Variants in KAZALD1 observed in about 807,000 individuals in gnomAD.
The protein encoded by KAZALD1 is kazal-type serine protease inhibitor domain-containing protein 1.
In KAZALD1, 31 loss-of-function variants were observed where a neutral mutation model predicts 27.7. The observed-to-expected ratio is 1.12, with a 90% CI of 0.84 to 1.51. The LOEUF (loss-of-function observed/expected upper bound fraction) is 1.51. Ranked by LOEUF, KAZALD1 falls within the 40% of genes most tolerant of loss-of-function variation. The pLI, the probability that KAZALD1 is intolerant of heterozygous loss-of-function variation, is 0.00. For missense variants in KAZALD1, 444 were observed against 408.9 expected, an observed-to-expected ratio of 1.09 and a Z score of -0.74; for synonymous variants, 179 against 182.0, an observed-to-expected ratio of 0.98 and a Z score of 0.13.
At position 101,065,317 on chromosome 10, in the gene KAZALD1, G is replaced by C; in HGVS notation, c.*397G>C. ...CCCTTCCTCCCAGGCCCTGGTTCTT[G>C]CTATTTCCTGGTCCCCAACGTTTAT... On this transcript the variant is annotated 3_prime_UTR_variant, in exon 5 of 5. Transcript: ENST00000370200. 1 of 185,204 alleles carries C rather than the reference G, an allele frequency of 5.4e-6. No homozygotes were observed. Among genetic ancestry groups the C allele is most frequent in the East Asian group, 1.5e-4 (1 of 6,782 alleles). The allele number at this position is 185,204 out of a possible 1,614,324, so 11.5% of individuals were successfully genotyped here.
chr10:101,065,661 G>C lies in KAZALD1; in HGVS notation c.*741G>C, dbSNP rs1462837164. On this transcript the variant is annotated 3_prime_UTR_variant, in exon 5 of 5. Transcript: ENST00000370200. ...GGCCTCCCACACTAACAGAACTCTGGCTTCCAGAAGCTGCAGGGCCTGCTC... is the reference window on the plus strand; with the variant it reads ...GGCCTCCCACACTAACAGAACTCTGCCTTCCAGAAGCTGCAGGGCCTGCTC... 6.6e-6 allele frequency: 1 copy of C among 152,286 alleles called. No homozygotes were observed. Among genetic ancestry groups the C allele is most frequent in the Non-Finnish European group, 1.5e-5 (1 of 68,096 alleles). 9.4% of individuals were successfully genotyped at this position (152,286 alleles called of 1,614,324 possible).
rs967187081 is a variant in KAZALD1 at position 101,065,200 on chromosome 10, C to T, written c.*280C>T. On this transcript the variant is annotated 3_prime_UTR_variant, in exon 5 of 5. Coordinates refer to ENST00000370200, the MANE Select transcript of KAZALD1 (RefSeq NM_030929.5). ...CAGTAGGACCTCCAACAGGTTGTTT[C>T]CCAGGCTGGGGTGGGGGCCTGAGCA... is the stretch of plus-strand genomic sequence containing the variant. 2.0e-5 allele frequency: 8 copies of T among 409,914 alleles called. No individual in the cohort carries two copies. The highest frequency in any genetic ancestry group is 3.6e-5 in the Non-Finnish European group (8 of 223,662). The allele number at this position is 409,914 out of a possible 1,614,324, so 25.4% of individuals were successfully genotyped here. A position where few individuals can be genotyped will look rare whatever the true frequency, so the allele number is the denominator to read the frequency against.
In KAZALD1 at chr10:101,064,692, G is replaced by A. The variant is rs368942585; in HGVS notation, c.820+44G>A. The A allele has an allele frequency of 3.3e-5, 53 of 1,611,730 alleles. No homozygotes were observed. In the Admixed American group the frequency reaches 5.7e-4, roughly 17 times the overall value. ...TCTGGGGGTTGGGGGGATGGTGCTG[G>A]ATTCCAGTTGTGAATGTGTAAGAAA... On this transcript the variant is annotated intron_variant, in intron 4 of 4. Transcript: ENST00000370200.
chr10:101,063,596 C>T (rs1939230251), intron 2 of KAZALD1, among the ~76,000 whole-genome samples: 1 of 152,194 alleles, frequency 6.6e-6, no homozygotes, highest in Non-Finnish European at 1.5e-5. Flanking sequence ...TTTCTCTATC[C>T]CTGGGGACTG....
downstream of KAZALD1, chr10:101,067,902 G>A (rs570321733): frequency 1.9e-4 from 88 of 470,728 alleles, no homozygotes; most frequent in Non-Finnish European, 2.9e-4. Flanking sequence ...GTGGGGGCTG[G>A]GGGGATGGCG....
At chr10:101,064,778 A>G in intron 4 of KAZALD1, 48 bp from the exon 5 acceptor site, 1 of 1,603,888 alleles carries the variant, frequency 6.2e-7, no homozygotes, top group African/African-American at 1.3e-5. Flanking sequence ...GTGGGCACCG[A>G]CAGCCCCTCT....
Position 101,064,460 on chromosome 10 carries a change from G to A in KAZALD1, c.672+39G>A, listed in dbSNP as rs753277052. The A allele has an allele frequency of 1.5e-5, 24 of 1,614,032 alleles. 1 individual carries two copies. The South Asian group carries it at 2.6e-4, about 18-fold the overall frequency. On this transcript the variant is annotated intron_variant, in intron 3 of 4. Coordinates refer to ENST00000370200, the MANE Select transcript of KAZALD1 (RefSeq NM_030929.5). The stretch of plus-strand genomic sequence containing the variant: ...AGAGGCTTCCCTCAGGCAGCCCAGG[G>A]CCCTCCAGAAGGACCCTGCTGATTC...
At chr10:101,064,188 G>A in intron 2 of KAZALD1, 73 bp from the exon 3 acceptor site, 2 of 1,552,866 alleles carry the variant, frequency 1.3e-6, no homozygotes, top group African/African-American at 2.7e-5. Flanking sequence ...AAAAATTTGT[G>A]TATCATGTCT....
At chr10:101,067,101 A>C, downstream of KAZALD1, 3 of 343,778 alleles carry the variant, frequency 8.7e-6, no homozygotes, top group South Asian at 6.4e-5. Flanking sequence ...GCGGCGTTTT[A>C]ATAAATAATT....
chr10:101,066,573 T>C lies in KAZALD1; in HGVS notation c.*1653T>C. ...GGTAGGCGGGGGTGGGGCGTGCTGT[T>C]CGGCGCTGTGGCCAAAATCCGCCCG... On this transcript the variant is annotated 3_prime_UTR_variant, in exon 5 of 5. Transcript: ENST00000370200. 1 of 440,446 alleles carries C rather than the reference T, an allele frequency of 2.3e-6. No individual in the cohort carries two copies. Among genetic ancestry groups the C allele is most frequent in the South Asian group, 1.6e-5 (1 of 63,870 alleles). The allele number at this position is 440,446 out of a possible 1,614,324, so 27.3% of individuals were successfully genotyped here. A position where few individuals can be genotyped will look rare whatever the true frequency, so the allele number is the denominator to read the frequency against.
chr10:101,062,448 G>A (rs1664635356), intron 1 of KAZALD1, 94 bp from the exon 2 acceptor site: 1 of 1,265,826 alleles, frequency 7.9e-7, no homozygotes, highest in South Asian at 1.5e-5. Context: ...AGGGGGCGAT[G>A]CTAGTGTCAT....
Position 101,064,282 on chromosome 10 carries a change from C to T in KAZALD1, c.533C>T (p.Pro178Leu). 6.2e-7 allele frequency: 1 copy of T among 1,614,152 alleles called. No homozygotes were observed. ...CESGPQIVSHPYDTWNVTGQD... is the reference protein window; with the variant it reads ...CESGPQIVSHLYDTWNVTGQD... ...CCAGGGCCCCAGATCGTGTCACATC[C>T]ATATGACACTTGGAATGTGACAGGG... The change falls in exon 3 of 5, where the codon CCA becomes CTA. Residue 178 changes from proline (P) to leucine (L), a missense_variant. Pro to Leu is a moderately conservative substitution (Grantham distance 98). Transcript: ENST00000370200.
chr10:101,064,225 C>T (rs1328199441), intron 2 of KAZALD1, 36 bp from the exon 3 acceptor site: 2 of 1,611,176 alleles, frequency 1.2e-6, no homozygotes, highest in East Asian at 4.5e-5. Flanking sequence ...CTTTGCTGGG[C>T]CATGCTATTC....
Position 101,066,326 on chromosome 10 carries a change from G to A in KAZALD1, c.*1406G>A. ...CAGGGAGCCTGGCCACATGGGAGGG[G>A]TGTGGTCCGGAACTCCAACCCCAGG... On this transcript the variant is annotated 3_prime_UTR_variant, in exon 5 of 5. Transcript: ENST00000370200. 1 of 453,308 alleles carries A rather than the reference G, an allele frequency of 2.2e-6. No individual in the cohort carries two copies. The highest frequency in any genetic ancestry group is 1.6e-5 in the South Asian group (1 of 64,190). The allele number at this position is 453,308 out of a possible 1,614,324, so 28.1% of individuals were successfully genotyped here.
At position 101,066,730 on chromosome 10, in the gene KAZALD1, G is replaced by A. The variant is rs552721742; in HGVS notation, c.*1810G>A. ...AGCTCCTACCGCGTCCACCTGCAGA[G>A]CAGAGGCTCCTCACCAAAAGCCCCA... is the stretch of plus-strand genomic sequence containing the variant. On this transcript the variant is annotated 3_prime_UTR_variant, in exon 5 of 5. Transcript: ENST00000370200. 34 of 348,406 alleles carry A rather than the reference G, an allele frequency of 9.8e-5. No individual in the cohort carries two copies. The highest frequency in any genetic ancestry group is 1.8e-4 in the Non-Finnish European group (32 of 175,964). The allele number at this position is 348,406 out of a possible 1,614,324, so 21.6% of individuals were successfully genotyped here. A position where few individuals can be genotyped will look rare whatever the true frequency, so the allele number is the denominator to read the frequency against.
chr10:101,064,573 GGCACTTA>G lies in KAZALD1; in HGVS notation c.746_752del (p.Gly249AlafsTer18). 6 of 1,614,106 alleles carry G rather than the reference GGCACTTA, an allele frequency of 3.7e-6. No homozygotes were observed. Among genetic ancestry groups the G allele is most frequent in the Non-Finnish European group, 5.1e-6 (6 of 1,180,022 alleles). On this transcript the variant is annotated frameshift_variant, in exon 4 of 5. Transcript: ENST00000370200. LOFTEE classifies it high-confidence loss of function. ...CCAGGCTGTGCGTCCCAGTGATGAG[GGCACTTA>G]CCGCTGCCTTGGCCGCAATGCCCTG...
At chr10:101,064,755 C>T in intron 4 of KAZALD1, 71 bp from the exon 5 acceptor site, 1 of 1,595,936 alleles carries the variant, frequency 6.3e-7, no homozygotes. Flanking sequence ...TAGCCTTCCG[C>T]AGACTGGGCT....
rs1158252581 is a variant in KAZALD1 at position 101,064,382 on chromosome 10, C to T, written c.633C>T (p.Asp211=). ...TCGAGTGGAGGAAGGATGGCTTGGA[C>T]ATCCAGCTGCCAGGGGATGACCCCC... ...ASIEWRKDGL[D]IQLPGDDPHI... The change falls in exon 3 of 5, where the codon GAC becomes GAT. Residue 211 remains aspartate, a synonymous_variant. Transcript: ENST00000370200. 4 of 1,614,094 alleles carry T rather than the reference C, an allele frequency of 2.5e-6. No individual in the cohort carries two copies. The highest frequency in any genetic ancestry group is 3.4e-6 in the Non-Finnish European group (4 of 1,180,042).
chr10:101,067,487 G>C (rs1484132555), downstream of KAZALD1: 5 of 365,430 alleles, frequency 1.4e-5, no homozygotes, highest in Non-Finnish European at 2.2e-5. Flanking sequence ...TCCAGGTCTC[G>C]GCCGGGCTCT....
Sources: gnomAD v4.1 joint callset for allele counts (sites outside exome capture counted in the v4.1 genomes callset) on GRCh38, gnomAD v4.1.1 for gene constraint, MANE v1.5 for transcripts, NCBI Gene and HGNC (gene_info 2026-07-23, HGNC 2026-07-21) for gene names.